The following IL1RAPL2 variants were observed in gnomAD, a reference collection of about 807,000 sequenced individuals.
The protein encoded by IL1RAPL2 is X-linked interleukin-1 receptor accessory protein-like 2.
Under a neutral mutation model 44.1 loss-of-function variants are expected in IL1RAPL2, and 3 were observed. The ratio of observed to expected loss-of-function variants is 0.07; its 90% CI spans 0.03 to 0.18. The LOEUF is 0.18. IL1RAPL2 is among the 10% of genes least tolerant of loss of function. The pLI is 1.00. For missense variants in IL1RAPL2, 391 were observed against 496.4 expected (o/e 0.79, Z 2.02); for synonymous variants, 181 against 178.8 (o/e 1.01, Z -0.10).
chrX:105,472,520 A>G (rs1302751074), intron 5 of IL1RAPL2, among the ~76,000 whole-genome samples: 2 of 111,936 alleles, frequency 1.8e-5, no homozygotes, highest in African/African-American at 6.5e-5. Context: ...ATCATGGGAA[A>G]GAGAAAGTGC....
chrX:105,272,046 A>G (rs1362817481), intron 5 of IL1RAPL2, among the ~76,000 whole-genome samples: 2 of 104,770 alleles, frequency 1.9e-5, no homozygotes, highest in Admixed American at 1.1e-4. Context: ...AAAACCAAAC[A>G]CCGCATATTC....
chrX:105,730,809 A>T (rs1316950729), intron 7 of IL1RAPL2, among the ~76,000 whole-genome samples: 1 of 111,773 alleles, frequency 8.9e-6, no homozygotes, highest in Non-Finnish European at 1.9e-5. Context: ...AAAAGTCGAG[A>T]AACAAATGAA....
chrX:104,607,944 G>A (rs1929052287), intron 1 of IL1RAPL2, among the ~76,000 whole-genome samples: 1 of 111,735 alleles, frequency 8.9e-6, no homozygotes, highest in Non-Finnish European at 1.9e-5. Context: ...GTTTATTGTG[G>A]CACAGTTCAC....
At chrX:104,586,519 A>G (rs1240992304) in intron 1 of IL1RAPL2, among the ~76,000 whole-genome samples, 1 of 111,578 alleles carries the variant, frequency 9.0e-6, no homozygotes, top group Non-Finnish European at 1.9e-5. Flanking sequence ...ATTCATCTAA[A>G]TTCACTTTGT....
At chrX:104,617,808 T>A (rs1423051978) in intron 1 of IL1RAPL2, among the ~76,000 whole-genome samples, 1 of 111,664 alleles carries the variant, frequency 9.0e-6, no homozygotes, top group Non-Finnish European at 1.9e-5. Flanking sequence ...GTGAGCTTCC[T>A]TACAATCCAT....
Position 105,345,571 on chromosome X carries a change from A to G in IL1RAPL2, c.697+78030A>G, listed in dbSNP as rs149912217. On this transcript the variant is annotated intron_variant, in intron 5 of 10. Transcript: ENST00000372582. The stretch of plus-strand genomic sequence containing the variant: ...AATTATCTGGAAAGTTTTTTTTTTC[A>G]TTTCAGAGACTCAATAGCCTATGTA... Among the ~76,000 whole-genome samples the G allele has an allele frequency of 1.2e-3, 132 of 110,204 alleles. 1 individual carries two copies. In the East Asian group the frequency reaches 0.035, roughly 29 times the overall value.
chrX:105,632,905 T>C (rs907371953), intron 6 of IL1RAPL2, among the ~76,000 whole-genome samples: 25 of 111,879 alleles, frequency 2.2e-4, no homozygotes, highest in Admixed American at 1.6e-3. Flanking sequence ...TTGTGCAAGT[T>C]TTACACAAAA....
At chrX:105,419,665 C>A (rs112686611) in intron 5 of IL1RAPL2, among the ~76,000 whole-genome samples, 2,144 of 111,982 alleles carry the variant, frequency 0.019, 27 homozygotes, top group Non-Finnish European at 0.03. Flanking sequence ...AGTATCACAG[C>A]AAATTTGTAC....
At chrX:105,376,931 A>G (rs943154571) in intron 5 of IL1RAPL2, among the ~76,000 whole-genome samples, 5 of 112,478 alleles carry the variant, frequency 4.4e-5, no homozygotes, top group African/African-American at 1.6e-4. Context: ...TCAGTTAAAC[A>G]GCTTTATAAA....
chrX:104,837,286 T>C (rs760935139), intron 2 of IL1RAPL2, among the ~76,000 whole-genome samples: 1 of 111,663 alleles, frequency 9.0e-6, no homozygotes, highest in South Asian at 3.8e-4. Flanking sequence ...TGGTTCTAGA[T>C]CCTTGAGGAA....
intron 5 of IL1RAPL2, among the ~76,000 whole-genome samples, chrX:105,381,124 C>G (rs1206707533): frequency 9.0e-6 from 1 of 111,077 alleles, no homozygotes; most frequent in African/African-American, 3.3e-5. Context: ...TATGGATTAC[C>G]TTACAACAAC....
intron 6 of IL1RAPL2, among the ~76,000 whole-genome samples, chrX:105,624,087 T>G (rs1179967186): frequency 2.7e-5 from 3 of 111,168 alleles, no homozygotes; most frequent in Non-Finnish European, 5.7e-5. Context: ...TTTAAAAATA[T>G]TTTGAAGGCC....
intron 7 of IL1RAPL2, among the ~76,000 whole-genome samples, chrX:105,730,952 C>G (rs1470049768): frequency 9.1e-6 from 1 of 110,350 alleles, no homozygotes; most frequent in African/African-American, 3.3e-5. Flanking sequence ...AACAAACCAC[C>G]TAACAATGCA....
intron 1 of IL1RAPL2, among the ~76,000 whole-genome samples, chrX:104,625,775 G>T (rs1929493709): frequency 9.0e-6 from 1 of 111,542 alleles, no homozygotes; most frequent in Admixed American, 9.6e-5. Context: ...AGGCTAGATT[G>T]CAGTTGGTGT....
intron 1 of IL1RAPL2, among the ~76,000 whole-genome samples, chrX:104,580,922 T>C (rs1403270830): frequency 8.9e-6 from 1 of 112,406 alleles, no homozygotes; most frequent in Non-Finnish European, 1.9e-5. Flanking sequence ...AGTTGAACTA[T>C]GTGCCTTTAG....
chrX:104,945,000 GA>G (rs1925305994), intron 2 of IL1RAPL2, among the ~76,000 whole-genome samples: 1 of 111,683 alleles, frequency 9.0e-6, no homozygotes, highest in South Asian at 3.7e-4. Context: ...TAAATAATTT[GA>G]AAAGTAATTA....
chrX:104,650,747 G>A (rs1305726048), intron 1 of IL1RAPL2, among the ~76,000 whole-genome samples: 3 of 111,922 alleles, frequency 2.7e-5, no homozygotes, highest in Non-Finnish European at 5.6e-5. Context: ...TATCGCCACA[G>A]TGAGGTTATA....
intron 2 of IL1RAPL2, among the ~76,000 whole-genome samples, chrX:104,672,158 T>A (rs1930619152): frequency 9.0e-6 from 1 of 110,958 alleles, no homozygotes; most frequent in Non-Finnish European, 1.9e-5. Flanking sequence ...GCAGGTTAGT[T>A]ACATGTTACA....
rs138952638 is a variant in IL1RAPL2, at chrX:105,767,297, G to A, written c.1697G>A (p.Arg566Gln). The change falls in exon 11 of 11, where the codon CGG becomes CAG. Residue 566 changes from arginine to glutamine, a missense_variant. By Grantham distance (43) the Arg-to-Gln change is conservative (BLOSUM62 1). Transcript: ENST00000372582. ...MPIKKKEMLP[R>Q]CHVLDSAEQG... ...ATCAAGAAAAAAGAAATGCTACCTC[G>A]GTGCCATGTTCTGGACTCCGCAGAA... The A allele has an allele frequency of 4.0e-5, 48 of 1,209,346 alleles. No individual in the cohort carries two copies. The highest frequency in any genetic ancestry group is 4.6e-5 in the Non-Finnish European group (41 of 894,561).
Sources: gnomAD v4.1 joint callset for allele counts (sites outside exome capture counted in the v4.1 genomes callset) on GRCh38, gnomAD v4.1.1 for gene constraint, MANE v1.5 for transcripts, NCBI Gene and HGNC (gene_info 2026-07-23, HGNC 2026-07-21) for gene names.